SV2B: variants seen among roughly 807,000 people sequenced by gnomAD.
SV2B encodes solute carrier family 22 member B2.
In SV2B, 41 loss-of-function variants were observed where a neutral mutation model predicts 73.9. That is an observed-to-expected ratio of 0.56 (90% CI 0.43 to 0.72). The LOEUF (loss-of-function observed/expected upper bound fraction) is 0.72. SV2B is among the 30% of genes least tolerant of loss of function. The probability of loss-of-function intolerance (pLI) is 0.00; values close to 1 mark genes in which losing one functional copy is unlikely to be tolerated. For missense variants in SV2B, 764 were observed against 857.8 expected, an observed-to-expected ratio of 0.89 and a Z score of 1.37; for synonymous variants, 314 against 314.2, an observed-to-expected ratio of 1.00 and a Z score of 0.01.
rs2042697590 is a variant in SV2B, at chr15:91,132,835, GTC to G, written c.-392+32477_-392+32478del. On this transcript the variant is annotated intron_variant, in intron 1 of 12. Coordinates refer to ENST00000394232, the MANE Select transcript of SV2B (RefSeq NM_001323032.3). The surrounding 1 kb of genome is among the most constrained non-coding windows in gnomAD (Gnocchi z 4.6). ...AGCCTGGGCAACAGAGTGAGATCCT[GTC>G]TCTCAAAAAGAAAAAAAAAAGTGAG... is the stretch of plus-strand genomic sequence containing the variant. Among the ~76,000 whole-genome samples the G allele has an allele frequency of 6.6e-6, 1 of 151,836 alleles. No individual in the cohort carries two copies. Among genetic ancestry groups the G allele is most frequent in the Non-Finnish European group, 1.5e-5 (1 of 67,966 alleles).
At chr15:91,116,037 T>G (rs1463480395) in intron 1 of SV2B, among the ~76,000 whole-genome samples, 1 of 152,196 alleles carries the variant, frequency 6.6e-6, no homozygotes, top group Non-Finnish European at 1.5e-5. Flanking sequence ...ATTTCTAGCT[T>G]GCTTATAATT....
In SV2B at chr15:91,221,681, C is replaced by G. The variant is rs571383795; in HGVS notation, c.-391-4192C>G. On this transcript the variant is annotated intron_variant, in intron 1 of 12. Transcript: ENST00000394232. ...GCCTCACCTCACCTGTGGACTATTA[C>G]CAAGCATGTGCGCACACACACACAC... is the stretch of plus-strand genomic sequence containing the variant. 1.0e-4 allele frequency among the ~76,000 whole-genome samples: 10 copies of G among 95,640 alleles called. No individual in the cohort carries two copies. In the East Asian group the frequency reaches 2.4e-3, roughly 23 times the overall value. 62.7% of individuals were successfully genotyped at this position (95,640 alleles called of 152,430 possible). A position where few individuals can be genotyped will look rare whatever the true frequency, so the allele number is the denominator to read the frequency against.
At position 91,106,972 on chromosome 15, in the gene SV2B, A is replaced by G. The variant is rs973203447; in HGVS notation, c.-392+6609A>G. Among the ~76,000 whole-genome samples, 8 of 152,054 alleles carry G rather than the reference A, an allele frequency of 5.3e-5. No individual in the cohort carries two copies. Among genetic ancestry groups the G allele is most frequent in the African/African-American group, 1.2e-4 (5 of 41,382 alleles). ...CAGCCTCAGGCTGTGGGTGCTGTCC[A>G]TTTTCTTCTCGTGGTGTGTCTGATT... On this transcript the variant is annotated intron_variant, in intron 1 of 12. Coordinates refer to ENST00000394232, the MANE Select transcript of SV2B (RefSeq NM_001323032.3). The surrounding 1 kb of genome is among the most constrained non-coding windows in gnomAD (Gnocchi z 4.4).
chr15:91,126,345 G>A (rs1450609924), intron 1 of SV2B, among the ~76,000 whole-genome samples: 4 of 152,200 alleles, frequency 2.6e-5, no homozygotes, highest in Admixed American at 1.3e-4. Context: ...AGGAGGTGCT[G>A]ATCATGCCAA....
intron 1 of SV2B, among the ~76,000 whole-genome samples, chr15:91,161,901 A>C (rs2141250880): frequency 6.6e-6 from 1 of 152,342 alleles, no homozygotes; most frequent in Non-Finnish European, 1.5e-5. Flanking sequence ...ATAAAAGACA[A>C]AGAGTGAATC....
chr15:91,103,374 T>G (rs959205258), intron 1 of SV2B, among the ~76,000 whole-genome samples: 7 of 152,222 alleles, frequency 4.6e-5, no homozygotes, highest in African/African-American at 1.7e-4. Flanking sequence ...AAAGGTCATC[T>G]TTAGCAAACA....
At chr15:91,147,291 G>C (rs764906861) in intron 1 of SV2B, among the ~76,000 whole-genome samples, 20 of 152,124 alleles carry the variant, frequency 1.3e-4, no homozygotes, top group Non-Finnish European at 1.5e-4. Flanking sequence ...CTTCCTGCAG[G>C]TCCTTCTGAC....
rs1238908357 is a variant in SV2B, at chr15:91,123,670, A to G, written c.-392+23307A>G. Among the ~76,000 whole-genome samples, 1 of 152,190 alleles carries G rather than the reference A, an allele frequency of 6.6e-6. No homozygotes were observed. Among genetic ancestry groups the G allele is most frequent in the Non-Finnish European group, 1.5e-5 (1 of 68,038 alleles). On this transcript the variant is annotated intron_variant, in intron 1 of 12. Transcript: ENST00000394232. The surrounding 1 kb of genome is among the most constrained non-coding windows in gnomAD (Gnocchi z 4.7). Reference sequence around the variant, plus strand: ...TTTGCTGAAGGCCAGTTATTTGTCTAGCACTTTCTGAAGAGTAGACGTGAG... The same window carrying G: ...TTTGCTGAAGGCCAGTTATTTGTCTGGCACTTTCTGAAGAGTAGACGTGAG...
chr15:91,246,582 C>A (rs2047234375), intron 2 of SV2B, among the ~76,000 whole-genome samples: 1 of 152,218 alleles, frequency 6.6e-6, no homozygotes, highest in Admixed American at 6.5e-5. Context: ...AGTCTCAGAA[C>A]TGGGCTCTTT....
Position 91,292,529 on chromosome 15 carries a change from A to G in SV2B, c.2029A>G (p.Thr677Ala), listed in dbSNP as rs1296700454. ...CCTGATTGCCCTTCGACTGCCAGAG[A>G]CTCGAGAACAGGTCCTGATGTGAAC... ...GGLIALRLPE[T>A]REQVLM Residue 677 changes from threonine (T) to alanine (A), a missense_variant, in exon 13 of 13, where the codon ACT becomes GCT. Coordinates refer to ENST00000394232, the MANE Select transcript of SV2B (RefSeq NM_001323032.3). 1 of 1,613,802 alleles carries G rather than the reference A, an allele frequency of 6.2e-7. No homozygotes were observed. The highest frequency in any genetic ancestry group is 8.5e-7 in the Non-Finnish European group (1 of 1,179,956).
chr15:91,166,214 G>A lies in SV2B; in HGVS notation c.-391-59659G>A, dbSNP rs571118804. Among the ~76,000 whole-genome samples, 8 of 152,228 alleles carry A rather than the reference G, an allele frequency of 5.3e-5. No homozygotes were observed. In the South Asian group the frequency reaches 1.7e-3, roughly 32 times the overall value. On this transcript the variant is annotated intron_variant, in intron 1 of 12. Transcript: ENST00000394232. Reference sequence around the variant, plus strand: ...ATCCTTAGCATATTAGGTACCAATAGCAGTCCACTCCCAATGTGAGAAAAA... The same window carrying A: ...ATCCTTAGCATATTAGGTACCAATAACAGTCCACTCCCAATGTGAGAAAAA...
At chr15:91,179,036 A>G (rs2044442887) in intron 1 of SV2B, among the ~76,000 whole-genome samples, 1 of 151,826 alleles carries the variant, frequency 6.6e-6, no homozygotes, top group Non-Finnish European at 1.5e-5. Flanking sequence ...ATTTAGTGTT[A>G]TAAATTTCCC....
intron 1 of SV2B, among the ~76,000 whole-genome samples, chr15:91,207,162 C>T (rs75734330): frequency 1.3e-5 from 2 of 150,716 alleles, no homozygotes; most frequent in Non-Finnish European, 2.9e-5. Context: ...GCTGGGACTA[C>T]AGGCACACGC....
chr15:91,248,751 A>G (rs1221800901), intron 2 of SV2B, among the ~76,000 whole-genome samples: 1 of 152,216 alleles, frequency 6.6e-6, no homozygotes. Flanking sequence ...CTCAGGGCCC[A>G]TCTCAGGCCT....
At chr15:91,131,273 C>G (rs1299614655) in intron 1 of SV2B, among the ~76,000 whole-genome samples, 1 of 150,134 alleles carries the variant, frequency 6.7e-6, no homozygotes, top group Admixed American at 6.6e-5. Context: ...GTGTGAGCCA[C>G]TGCACCCAGT....
At chr15:91,185,653 A>T (rs1422501178) in intron 1 of SV2B, among the ~76,000 whole-genome samples, 2 of 152,210 alleles carry the variant, frequency 1.3e-5, no homozygotes, top group African/African-American at 2.4e-5. Context: ...TTTAAAGGTC[A>T]CATTACTGGA....
At chr15:91,237,980 G>T (rs2046857015) in intron 2 of SV2B, among the ~76,000 whole-genome samples, 1 of 152,172 alleles carries the variant, frequency 6.6e-6, no homozygotes, top group African/African-American at 2.4e-5. Context: ...GTTGCTCAGA[G>T]ACCTTAAGGC....
At chr15:91,148,931 A>G (rs1436535289) in intron 1 of SV2B, among the ~76,000 whole-genome samples, 1 of 152,162 alleles carries the variant, frequency 6.6e-6, no homozygotes, top group Non-Finnish European at 1.5e-5. Flanking sequence ...CACTAATTCA[A>G]ATGTTAATCT....
At position 91,137,569 on chromosome 15, in the gene SV2B, AATATATAT is replaced by A. The variant is rs142512543; in HGVS notation, c.-392+37215_-392+37222del. Among the ~76,000 whole-genome samples the A allele has an allele frequency of 3.0e-4, 40 of 132,892 alleles. 2 individuals carry two copies. In the South Asian group the frequency reaches 6.6e-3, roughly 22 times the overall value. 87.2% of individuals were successfully genotyped at this position (132,892 alleles called of 152,430 possible). A position where few individuals can be genotyped will look rare whatever the true frequency, so the allele number is the denominator to read the frequency against. ...ACAGGACAAAACTAGGAAAATGTGA[AATATATAT>A]ATATATATTTCTCATATATATATAT... On this transcript the variant is annotated intron_variant, in intron 1 of 12. Transcript: ENST00000394232. The surrounding 1 kb of genome is among the most constrained non-coding windows in gnomAD (Gnocchi z 4.9).
Sources: allele counts gnomAD v4.1 joint callset (sites outside exome capture counted in the v4.1 genomes callset), GRCh38; gene constraint gnomAD v4.1.1; non-coding constraint Gnocchi (gnomAD v3.1); transcripts MANE v1.5; gene names NCBI Gene and HGNC (gene_info 2026-07-23, HGNC 2026-07-21).